PLEKHA7: variants seen among roughly 807,000 people sequenced by gnomAD.
The protein encoded by PLEKHA7 is pleckstrin homology domain containing A7, also known as pleckstrin homology domain-containing family A member 7.
A neutral mutation model predicts 170.0 loss-of-function variants in PLEKHA7; 104 were observed. The ratio of observed to expected loss-of-function variants is 0.61; its 90% CI spans 0.52 to 0.72. PLEKHA7 has a LOEUF of 0.72. PLEKHA7 is among the 30% of genes least tolerant of loss of function. The probability of loss-of-function intolerance (pLI) is 0.00; values close to 1 mark genes in which losing one functional copy is unlikely to be tolerated. For synonymous variants in PLEKHA7, 648 were observed against 660.8 expected (o/e 0.98, Z 0.30); for missense variants, 1,615 against 1,671.7 (o/e 0.97, Z 0.59).
In PLEKHA7 at chr11:16,837,397, G is replaced by C. The variant is rs1590280996; in HGVS notation, c.872+4150C>G. ...ATTTTTTCCTATAAAGTTCAATCTC[G>C]TTCTCAAATTCTCTCTCATCTAGCA... On this transcript the variant is annotated intron_variant, in intron 9 of 26. Coordinates refer to ENST00000531066, the MANE Select transcript of PLEKHA7 (RefSeq NM_001329630.2). 5.3e-5 allele frequency among the ~76,000 whole-genome samples: 8 copies of C among 152,136 alleles called. No individual in the cohort carries two copies. The South Asian group carries it at 1.7e-3, about 32-fold the overall frequency.
chr11:16,919,770 T>G (rs1331108928), intron 3 of PLEKHA7, among the ~76,000 whole-genome samples: 1 of 151,126 alleles, frequency 6.6e-6, no homozygotes, highest in Non-Finnish European at 1.5e-5. Flanking sequence ...ATGACCCAAA[T>G]AAACAAAAGA....
chr11:16,847,816 C>T lies in PLEKHA7; in HGVS notation c.696+3375G>A, dbSNP rs533357469. Among the ~76,000 whole-genome samples, 104 of 144,848 alleles carry T rather than the reference C, an allele frequency of 7.2e-4. 1 individual carries two copies. The highest frequency in any genetic ancestry group is 3.0e-3 in the Admixed American group (43 of 14,120). ...AAGATCGTGCCATTGTACTCCAGCC[C>T]GGGCGACAAGAGCGAAATTCTGTCT... On this transcript the variant is annotated intron_variant, in intron 8 of 26. Transcript: ENST00000531066.
At chr11:16,954,408 C>T (rs1438520903) in intron 3 of PLEKHA7, among the ~76,000 whole-genome samples, 1 of 151,912 alleles carries the variant, frequency 6.6e-6, no homozygotes, top group Non-Finnish European at 1.5e-5. Context: ...GTAGTGCACA[C>T]CTATAGTCTC....
intron 17 of PLEKHA7, among the ~76,000 whole-genome samples, chr11:16,798,840 C>A (rs75018290): frequency 0.013 from 1,972 of 152,278 alleles, 41 homozygotes; most frequent in African/African-American, 0.046. Flanking sequence ...TGTGAAAAGG[C>A]AGTTACACAA....
At chr11:16,942,303 T>G (rs1007656285) in intron 3 of PLEKHA7, among the ~76,000 whole-genome samples, 4 of 152,210 alleles carry the variant, frequency 2.6e-5, no homozygotes, top group Non-Finnish European at 5.9e-5. Context: ...CTGAAGGCCA[T>G]GTCAACAGCT....
intron 3 of PLEKHA7, among the ~76,000 whole-genome samples, chr11:16,915,732 T>C (rs912932620): frequency 6.6e-6 from 1 of 151,746 alleles, no homozygotes; most frequent in East Asian, 1.9e-4. Context: ...ATGGTATATA[T>C]GTGCCACATT....
chr11:17,002,254 G>A (rs760968309), intron 3 of PLEKHA7, among the ~76,000 whole-genome samples: 4 of 152,182 alleles, frequency 2.6e-5, no homozygotes, highest in African/African-American at 4.8e-5. Context: ...TAGAGAGGGA[G>A]TTAGCTGGGC....
At chr11:16,996,865 G>C (rs879476532) in intron 3 of PLEKHA7, among the ~76,000 whole-genome samples, 1 of 152,128 alleles carries the variant, frequency 6.6e-6, no homozygotes, top group South Asian at 2.1e-4. Context: ...GAACCTGGGA[G>C]GCAGAGCTTG....
intron 3 of PLEKHA7, among the ~76,000 whole-genome samples, chr11:16,926,010 C>T: frequency 6.6e-6 from 1 of 152,254 alleles, no homozygotes; most frequent in Non-Finnish European, 1.5e-5. Context: ...CATCCGTTGC[C>T]GCAAGTGCCC....
intron 13 of PLEKHA7, among the ~76,000 whole-genome samples, chr11:16,810,648 G>A (rs571969282): frequency 1.3e-5 from 2 of 152,268 alleles, no homozygotes; most frequent in South Asian, 2.1e-4. Flanking sequence ...ACTAGATAAC[G>A]TTCTAATCAT....
At chr11:16,942,244 C>CT in intron 3 of PLEKHA7, among the ~76,000 whole-genome samples, 1 of 152,292 alleles carries the variant, frequency 6.6e-6, no homozygotes, top group South Asian at 2.1e-4. Context: ...CCAATCCATT[C>CT]CCTTAGAACA....
At chr11:16,986,167 C>A (rs186640359) in intron 3 of PLEKHA7, among the ~76,000 whole-genome samples, 2 of 152,210 alleles carry the variant, frequency 1.3e-5, no homozygotes, top group East Asian at 3.9e-4. Flanking sequence ...AAGAGAAGCC[C>A]AAGTCAGGAC....
chr11:16,841,712 G>A lies in PLEKHA7; in HGVS notation c.707C>T (p.Thr236Met), dbSNP rs35068039. 193 of 1,613,862 alleles carry A rather than the reference G, an allele frequency of 1.2e-4. No individual in the cohort carries two copies. The Admixed American group carries it at 1.2e-3, about 10-fold the overall frequency. ...GTTATAGATGAGCGCTCGCATCCCC[G>A]TGTGCACAGCCTGTAGCATGAAGGC... ...SRKYSFKAVH[T>M]GMRALIYNSS... Residue 236 changes from threonine to methionine, a missense_variant, in exon 9 of 27, where the codon ACG (threonine) becomes ATG (methionine). Physicochemically the swap from Thr to Met is moderately conservative, Grantham distance 81. Coordinates refer to ENST00000531066, the MANE Select transcript of PLEKHA7 (RefSeq NM_001329630.2).
At chr11:16,972,927 G>T (rs1288057614) in intron 3 of PLEKHA7, among the ~76,000 whole-genome samples, 1 of 152,154 alleles carries the variant, frequency 6.6e-6, no homozygotes, top group African/African-American at 2.4e-5. Flanking sequence ...TAAGCCCCAA[G>T]GCCTCCAGAA....
At chr11:17,010,004 T>C (rs1865230660) in intron 3 of PLEKHA7, among the ~76,000 whole-genome samples, 1 of 152,142 alleles carries the variant, frequency 6.6e-6, no homozygotes, top group Non-Finnish European at 1.5e-5. Context: ...TCTTATACAT[T>C]TTGTCCCTCA....
chr11:16,791,364 G>T lies in PLEKHA7; in HGVS notation c.2746-165C>A. 1 of 647,348 alleles carries T rather than the reference G, an allele frequency of 1.5e-6. No homozygotes were observed. Among genetic ancestry groups the T allele is most frequent in the Non-Finnish European group, 2.7e-6 (1 of 372,638 alleles). The allele number at this position is 647,348 out of a possible 1,614,324, so 40.1% of individuals were successfully genotyped here. A position where few individuals can be genotyped will look rare whatever the true frequency, so the allele number is the denominator to read the frequency against. On this transcript the variant is annotated intron_variant, in intron 19 of 26. Coordinates refer to ENST00000531066, the MANE Select transcript of PLEKHA7 (RefSeq NM_001329630.2). This position sits in a 1 kb window ranked among gnomAD's most constrained non-coding sequence, Gnocchi z 4.5. ...CACTCACACTTCCCCTGGCGGAGCA[G>T]TGAAGAAGGGACATGCTCTGCTCCT...
chr11:16,900,874 G>T (rs1260438069), intron 3 of PLEKHA7, among the ~76,000 whole-genome samples: 1 of 149,748 alleles, frequency 6.7e-6, no homozygotes, highest in Non-Finnish European at 1.5e-5. Context: ...TTGAGACAGA[G>T]TCTCACTGTC....
Position 16,852,334 on chromosome 11 carries a change from A to G in PLEKHA7, c.544T>C (p.Trp182Arg). 6.2e-7 allele frequency: 1 copy of G among 1,614,056 alleles called. No individual in the cohort carries two copies. The highest frequency in any genetic ancestry group is 8.5e-7 in the Non-Finnish European group (1 of 1,179,976). ...HKQDSSGMRL[W>R]KRRWFVLADY... is the part of the protein sequence containing the mutation. ...GCAAGCACAAACCACCTCCTTTTCCACAGCCTCATCCCAGAACTGTCCTGC... is the reference window on the plus strand; with the variant it reads ...GCAAGCACAAACCACCTCCTTTTCCGCAGCCTCATCCCAGAACTGTCCTGC... Residue 182 changes from tryptophan (W) to arginine (R), a missense_variant, in exon 7 of 27, where the codon TGG becomes CGG. Physicochemically the swap from Trp to Arg is moderately radical, Grantham distance 101. Coordinates refer to ENST00000531066, the MANE Select transcript of PLEKHA7 (RefSeq NM_001329630.2).
intron 3 of PLEKHA7, among the ~76,000 whole-genome samples, chr11:17,000,039 G>T (rs1295303153): frequency 1.3e-5 from 2 of 152,166 alleles, no homozygotes; most frequent in East Asian, 3.9e-4. Context: ...TGGACAGGGA[G>T]TATAAATCAA....
Sources: allele counts gnomAD v4.1 joint callset (sites outside exome capture counted in the v4.1 genomes callset), GRCh38; gene constraint gnomAD v4.1.1; non-coding constraint Gnocchi (gnomAD v3.1); transcripts MANE v1.5; gene names NCBI Gene and HGNC (gene_info 2026-07-23, HGNC 2026-07-21).